Variants in CNTN5 observed in about 807,000 individuals in gnomAD.
CNTN5 encodes the protein contactin 5, also known as contactin-5.
CNTN5 carries 77 observed loss-of-function variants against 129.1 expected under a neutral mutation model. The observed-to-expected ratio is 0.60, with a 90% CI of 0.50 to 0.72. The LOEUF (loss-of-function observed/expected upper bound fraction) is 0.72. CNTN5 is among the 30% of genes least tolerant of loss of function. CNTN5 has a pLI of 0.00. For missense variants in CNTN5, 1,478 were observed against 1,328.8 expected (o/e 1.11, Z -1.75); for synonymous variants, 509 against 465.6 (o/e 1.09, Z -1.20).
At chr11:100,272,501 A>G (rs1950424693) in intron 18 of CNTN5, among the ~76,000 whole-genome samples, 1 of 152,034 alleles carries the variant, frequency 6.6e-6, no homozygotes, top group Non-Finnish European at 1.5e-5. Context: ...GGAAGGAAGG[A>G]AGGAAGGAGA....
chr11:100,060,185 G>GA (rs1269536545), intron 9 of CNTN5, among the ~76,000 whole-genome samples: 2 of 147,126 alleles, frequency 1.4e-5, no homozygotes, highest in Non-Finnish European at 1.5e-5. Flanking sequence ...GAGCCTTGGC[G>GA]AAAGAGCAAG....
chr11:99,658,817 G>A (rs968122810), intron 3 of CNTN5, among the ~76,000 whole-genome samples: 36 of 149,930 alleles, frequency 2.4e-4, no homozygotes, highest in African/African-American at 7.8e-4. Flanking sequence ...GAACCCAGGA[G>A]GTGGAGGATG....
At chr11:100,052,156 A>G (rs1942990270) in intron 9 of CNTN5, among the ~76,000 whole-genome samples, 1 of 151,960 alleles carries the variant, frequency 6.6e-6, no homozygotes, top group African/African-American at 2.4e-5. Flanking sequence ...GTAAATACAG[A>G]AAATGCATAT....
At chr11:100,147,115 C>T (rs1190917959) in intron 13 of CNTN5, among the ~76,000 whole-genome samples, 1 of 152,114 alleles carries the variant, frequency 6.6e-6, no homozygotes, top group East Asian at 1.9e-4. Context: ...AACAAGGTCT[C>T]TGCAACCTGG....
Position 99,197,215 on chromosome 11 carries a change from T to C in CNTN5, c.-209-128131T>C, listed in dbSNP as rs1202014381. 2.0e-5 allele frequency among the ~76,000 whole-genome samples: 3 copies of C among 152,008 alleles called. 1 individual carries two copies. The highest frequency in any genetic ancestry group is 4.1e-4 in the South Asian group (2 of 4,822). On this transcript the variant is annotated intron_variant, in intron 1 of 24. Coordinates refer to ENST00000524871, the MANE Select transcript of CNTN5 (RefSeq NM_014361.4). ...TAATATGTTAGATACAACATATTCT[T>C]TGACCACAAAATTATACAATTAAAA...
chr11:99,398,807 C>G (rs1941656963), intron 2 of CNTN5, among the ~76,000 whole-genome samples: 1 of 151,880 alleles, frequency 6.6e-6, no homozygotes, highest in African/African-American at 2.4e-5. Flanking sequence ...TAAAGCTACT[C>G]TAAACAGCTG....
intron 16 of CNTN5, among the ~76,000 whole-genome samples, chr11:100,249,581 T>A (rs1336170714): frequency 6.6e-6 from 1 of 152,222 alleles, no homozygotes; most frequent in African/African-American, 2.4e-5. Flanking sequence ...TAACCAAGTA[T>A]AAAATTTAAT....
chr11:99,482,198 A>T (rs777843430), intron 2 of CNTN5, among the ~76,000 whole-genome samples: 10 of 152,202 alleles, frequency 6.6e-5, no homozygotes, highest in Non-Finnish European at 1.3e-4. Flanking sequence ...GAGCAAAGGG[A>T]TGCAATGAAA....
chr11:99,055,406 C>T (rs148404629), intron 1 of CNTN5, among the ~76,000 whole-genome samples: 88 of 152,104 alleles, frequency 5.8e-4, no homozygotes, highest in African/African-American at 2.1e-3. Context: ...ATGTCAATGA[C>T]CAACTCAATA....
chr11:100,204,557 C>A (rs1479977570), intron 15 of CNTN5, among the ~76,000 whole-genome samples: 1 of 150,612 alleles, frequency 6.6e-6, no homozygotes, highest in Non-Finnish European at 1.5e-5. Flanking sequence ...CTCACTATAG[C>A]CCCCACCTCC....
chr11:99,035,762 C>A (rs1007494483), intron 1 of CNTN5, among the ~76,000 whole-genome samples: 8 of 148,990 alleles, frequency 5.4e-5, no homozygotes, highest in East Asian at 2.0e-4. Context: ...AGAATTTAGT[C>A]CATTTACATT....
At chr11:99,977,007 C>A (rs972303551) in intron 8 of CNTN5, among the ~76,000 whole-genome samples, 2 of 152,184 alleles carry the variant, frequency 1.3e-5, no homozygotes, top group African/African-American at 4.8e-5. Flanking sequence ...ATATGACTGG[C>A]CACTTTTAAA....
At chr11:99,380,804 G>GAAAAAGA (rs1940507197) in intron 2 of CNTN5, among the ~76,000 whole-genome samples, 1 of 140,780 alleles carries the variant, frequency 7.1e-6, no homozygotes, top group Non-Finnish European at 1.6e-5. Flanking sequence ...AAAAAGAAAA[G>GAAAAAGA]AAAAAGAAAC....
chr11:100,103,840 G>A (rs1280431079), intron 13 of CNTN5, among the ~76,000 whole-genome samples: 2 of 152,124 alleles, frequency 1.3e-5, no homozygotes, highest in African/African-American at 4.8e-5. Context: ...TGACTTATCA[G>A]CAACTTCCAT....
At chr11:99,865,323 A>G (rs1169913125) in intron 6 of CNTN5, among the ~76,000 whole-genome samples, 1 of 152,130 alleles carries the variant, frequency 6.6e-6, no homozygotes, top group Non-Finnish European at 1.5e-5. Context: ...AGTCACTGGG[A>G]CACAATAAAT....
In CNTN5 at chr11:100,267,253, C is replaced by CCACACA. The variant is rs113458728; in HGVS notation, c.2165-3816_2165-3811dup. Among the ~76,000 whole-genome samples the CCACACA allele has an allele frequency of 4.0e-3, 576 of 143,836 alleles. 9 individuals are homozygous for CCACACA. The highest frequency in any genetic ancestry group is 0.013 in the African/African-American group (512 of 38,598). The allele number at this position is 143,836 out of a possible 152,430, so 94.4% of individuals were successfully genotyped here. A position where few individuals can be genotyped will look rare whatever the true frequency, so the allele number is the denominator to read the frequency against. On this transcript the variant is annotated intron_variant, in intron 17 of 24. Coordinates refer to ENST00000524871, the MANE Select transcript of CNTN5 (RefSeq NM_014361.4). ...CCTTCTTTGTTTTCACATGAATCAACCACACACACACACACACACACACAC... is the reference window on the plus strand; with the variant it reads ...CCTTCTTTGTTTTCACATGAATCAACCACACACACACACACACACACACACACACAC...
At chr11:99,356,688 C>T (rs975041707) in intron 2 of CNTN5, among the ~76,000 whole-genome samples, 15 of 151,824 alleles carry the variant, frequency 9.9e-5, no homozygotes, top group African/African-American at 3.4e-4. Context: ...TATAATTCTG[C>T]TTTTTAATGT....
intron 3 of CNTN5, among the ~76,000 whole-genome samples, chr11:99,782,692 A>G (rs1945355946): frequency 6.6e-6 from 1 of 152,034 alleles, no homozygotes; most frequent in African/African-American, 2.4e-5. Context: ...CAACTATCTG[A>G]TCTTTGACAA....
rs1472661180 is a variant in CNTN5 at position 99,636,807 on chromosome 11, AGATCAG to A, written c.55+80541_55+80546del. On this transcript the variant is annotated intron_variant, in intron 3 of 24. Coordinates refer to ENST00000524871, the MANE Select transcript of CNTN5 (RefSeq NM_014361.4). ...AGGTGGGGGGATGGACGAGATCAGGAGATCAGGACGATCCTGGCCAACATGGTGAAA... is the reference window on the plus strand; with the variant it reads ...AGGTGGGGGGATGGACGAGATCAGGAGACGATCCTGGCCAACATGGTGAAA... Among the ~76,000 whole-genome samples the A allele has an allele frequency of 5.3e-5, 8 of 151,586 alleles. No homozygotes were observed. In the East Asian group the frequency reaches 1.2e-3, roughly 22 times the overall value.
Sources: allele counts gnomAD v4.1 joint callset (sites outside exome capture counted in the v4.1 genomes callset), GRCh38; gene constraint gnomAD v4.1.1; transcripts MANE v1.5; gene names NCBI Gene and HGNC (gene_info 2026-07-23, HGNC 2026-07-21).